Variants in RASGRP4 observed in about 807,000 individuals in gnomAD.
RASGRP4 encodes the protein RAS guanyl-releasing protein 4.
RASGRP4 carries 52 observed loss-of-function variants against 84.4 expected under a neutral mutation model. That is an observed-to-expected ratio of 0.62 (90% CI 0.49 to 0.78). The LOEUF is 0.78. Ranked by LOEUF, RASGRP4 falls within the 30% of genes least tolerant of loss-of-function variation. The pLI is 0.00. For missense variants in RASGRP4, 760 were observed against 886.9 expected (o/e 0.86, Z 1.82); for synonymous variants, 356 against 359.1 (o/e 0.99, Z 0.10).
rs1366534393 is a variant in RASGRP4 at position 38,426,014 on chromosome 19, C to A, written c.23+55G>T. 4 of 1,334,102 alleles carry A rather than the reference C, an allele frequency of 3.0e-6. No individual in the cohort carries two copies. The African/African-American group carries it at 6.1e-5, about 20-fold the overall frequency. The allele number at this position is 1,334,102 out of a possible 1,614,324, so 82.6% of individuals were successfully genotyped here. On this transcript the variant is annotated intron_variant, in intron 1 of 16. Transcript: ENST00000615439. ...TGGCGAGTGATCTCCCCAGCCCTCC[C>A]ATGCAGAGGGAGGCCTCAGGGTGCT...
intron 1 of RASGRP4, among the ~76,000 whole-genome samples, chr19:38,425,135 A>G (rs1234149799): frequency 1.3e-5 from 2 of 150,792 alleles, no homozygotes; most frequent in Non-Finnish European, 3.0e-5. Context: ...CAGTGAGCCA[A>G]GATTGTGCCA....
Position 38,410,923 on chromosome 19 carries a change from T to C in RASGRP4, c.1928A>G (p.Gln643Arg). 6.2e-7 allele frequency: 1 copy of C among 1,604,842 alleles called. No individual in the cohort carries two copies. The highest frequency in any genetic ancestry group is 8.5e-7 in the Non-Finnish European group (1 of 1,175,810). ...CCAGGAAGGGTGTGGGGATTCAGTCTGGGTCCAGGCATGGCGAAGCTGGCA... is the reference window on the plus strand; with the variant it reads ...CCAGGAAGGGTGTGGGGATTCAGTCCGGGTCCAGGCATGGCGAAGCTGGCA... ...TGCQLRHAWTQTESPHPSWET... is the reference protein window; with the variant it reads ...TGCQLRHAWTRTESPHPSWET... The change falls in exon 16 of 17, where the codon CAG becomes CGG. Residue 643 changes from glutamine to arginine, a missense_variant. Transcript: ENST00000615439.
intron 1 of RASGRP4, among the ~76,000 whole-genome samples, chr19:38,425,655 C>G (rs1178478466): frequency 1.3e-5 from 2 of 152,172 alleles, no homozygotes; most frequent in Non-Finnish European, 2.9e-5. Flanking sequence ...GGGTCTGGAA[C>G]AGCCAGGAGT....
chr19:38,416,992 A>T, intron 8 of RASGRP4, 60 bp downstream of exon 8: 1 of 978,548 alleles, frequency 1.0e-6, no homozygotes, highest in Non-Finnish European at 1.6e-6. Flanking sequence ...TTGGGGAATT[A>T]GGTGTGGGGG....
Position 38,418,550 on chromosome 19 carries a change from C to G in RASGRP4, c.678G>C (p.Arg226=). 1 of 1,531,700 alleles carries G rather than the reference C, an allele frequency of 6.5e-7. No homozygotes were observed. The highest frequency in any genetic ancestry group is 1.2e-5 in the South Asian group (1 of 82,330). The allele number at this position is 1,531,700 out of a possible 1,614,324, so 94.9% of individuals were successfully genotyped here. A position where few individuals can be genotyped will look rare whatever the true frequency, so the allele number is the denominator to read the frequency against. Residue 226 remains arginine, a synonymous_variant, in exon 7 of 17, where the codon CGG becomes CGC. Transcript: ENST00000615439. This position sits in a 1 kb window ranked among gnomAD's most constrained non-coding sequence, Gnocchi z 4.6. ...GTACTGAGCCCTGCAAAACGTAGCT[C>G]CGCAGGTCCTGGGGCTGGGAGCGAG... ...SFQAITPQDL[R]SYVLQGSVRG...
At chr19:38,411,458 G>A (rs902832758) in intron 13 of RASGRP4, 77 bp from the exon 14 acceptor site, 7 of 1,322,794 alleles carry the variant, frequency 5.3e-6, no homozygotes, top group Non-Finnish European at 7.2e-6. Flanking sequence ...CTGGGGAGTG[G>A]AAGTGTGGAA....
rs895887097 is a variant in RASGRP4 at position 38,417,374 on chromosome 19, G to A, written c.838-206C>T. Among the ~76,000 whole-genome samples, 4 of 152,118 alleles carry A rather than the reference G, an allele frequency of 2.6e-5. No homozygotes were observed. The highest frequency in any genetic ancestry group is 4.4e-5 in the Non-Finnish European group (3 of 68,022). On this transcript the variant is annotated intron_variant, in intron 7 of 16. Coordinates refer to ENST00000615439, the MANE Select transcript of RASGRP4 (RefSeq NM_170604.3). The surrounding 1 kb of genome is among the most constrained non-coding windows in gnomAD (Gnocchi z 5.1). ...GGGGTGTCAGATGGCTATCTGAGCC[G>A]GGAGGGTCAAGCAAGTGATTGACTG...
chr19:38,420,801 T>C (rs181370169), intron 4 of RASGRP4, 107 bp downstream of exon 4: 11 of 1,159,786 alleles, frequency 9.5e-6, no homozygotes, highest in Middle Eastern at 2.1e-4. Context: ...GTGGGGCTGG[T>C]TGGGTCTGTG....
Position 38,418,591 on chromosome 19 carries a change from G to C in RASGRP4, c.664-27C>G. 1 of 1,485,190 alleles carries C rather than the reference G, an allele frequency of 6.7e-7. No homozygotes were observed. The highest frequency in any genetic ancestry group is 9.0e-7 in the Non-Finnish European group (1 of 1,115,696). 92.0% of individuals were successfully genotyped at this position (1,485,190 alleles called of 1,614,324 possible). A position where few individuals can be genotyped will look rare whatever the true frequency, so the allele number is the denominator to read the frequency against. ...TGGGAGCGAGGTGGGTGTCAAGGTGGGCCGTGGCGCTCAGGCCCTGCCCTT... is the reference window on the plus strand; with the variant it reads ...TGGGAGCGAGGTGGGTGTCAAGGTGCGCCGTGGCGCTCAGGCCCTGCCCTT... On this transcript the variant is annotated intron_variant, in intron 6 of 16. Coordinates refer to ENST00000615439, the MANE Select transcript of RASGRP4 (RefSeq NM_170604.3). The surrounding 1 kb of genome is among the most constrained non-coding windows in gnomAD (Gnocchi z 4.6).
Position 38,412,723 on chromosome 19 carries a change from G to A in RASGRP4, c.1629C>T (p.Phe543=). 1.2e-6 allele frequency: 2 copies of A among 1,612,956 alleles called. No homozygotes were observed. The highest frequency in any genetic ancestry group is 1.7e-6 in the Non-Finnish European group (2 of 1,179,490). ...TAGGCTTTCGGAAGGTGACCTCATG[G>A]AAGGTGTGCAGGAAGGCCAGGCCCA... The part of the protein sequence containing the change: ...SKLGLAFLHT[F]HEVTFRKPTF... Residue 543 remains phenylalanine, a synonymous_variant, in exon 13 of 17, where the codon TTC becomes TTT. Transcript: ENST00000615439. This position sits in a 1 kb window ranked among gnomAD's most constrained non-coding sequence, Gnocchi z 4.6.
rs1433081562 is a variant in RASGRP4 at position 38,414,941 on chromosome 19, C to T, written c.1137G>A (p.Leu379=). The T allele has an allele frequency of 1.9e-6, 3 of 1,613,398 alleles. No homozygotes were observed. Among genetic ancestry groups the T allele is most frequent in the African/African-American group, 1.3e-5 (1 of 74,948 alleles). ...LPDGRLHLPK[L]NNLYLRLQEL... is the part of the protein sequence containing the mutation. ...CCTGCAGCCGCAGGTAGAGGTTGTT[C>T]AGCTTGGGTAGGTGCAGGCGGCCGT... Residue 379 remains leucine (L), a synonymous_variant, in exon 9 of 17, where the codon CTG becomes CTA. Coordinates refer to ENST00000615439, the MANE Select transcript of RASGRP4 (RefSeq NM_170604.3).
At chr19:38,419,834 G>A (rs1163607868) in intron 6 of RASGRP4, 26 bp downstream of exon 6, 2 of 1,561,092 alleles carry the variant, frequency 1.3e-6, no homozygotes, top group South Asian at 1.2e-5. Flanking sequence ...CCCCTGCTTG[G>A]GACGGGGATG....
chr19:38,416,104 C>T (rs950576604), intron 8 of RASGRP4, among the ~76,000 whole-genome samples: 1 of 151,208 alleles, frequency 6.6e-6, no homozygotes, highest in Admixed American at 6.6e-5. Context: ...CAGCAGTCCT[C>T]CCCCTCAGCC....
chr19:38,417,142 G>A lies in RASGRP4; in HGVS notation c.864C>T (p.Asn288=). The A allele has an allele frequency of 6.4e-7, 1 of 1,561,582 alleles. No individual in the cohort carries two copies. Among genetic ancestry groups the A allele is most frequent in the Non-Finnish European group, 8.7e-7 (1 of 1,152,628 alleles). ...GGCCCCCTGTGACTGCCATCAGCGT[G>A]TTGAAATTCTGCAGCTGGTGGAGCC... ...AQRLHQLQNF[N]TLMAVTGGLC... Residue 288 remains asparagine, a synonymous_variant, in exon 8 of 17, where the codon AAC becomes AAT. Transcript: ENST00000615439. The surrounding 1 kb of genome is among the most constrained non-coding windows in gnomAD (Gnocchi z 5.1).
chr19:38,424,206 A>G (rs1420148554), intron 1 of RASGRP4, among the ~76,000 whole-genome samples: 1 of 151,228 alleles, frequency 6.6e-6, no homozygotes, highest in Non-Finnish European at 1.5e-5. Flanking sequence ...TGCAACCTCC[A>G]CCTCCCGGGT....
At chr19:38,425,898 C>T (rs929821874) in intron 1 of RASGRP4, among the ~76,000 whole-genome samples, 171 bp downstream of exon 1, 2 of 152,148 alleles carry the variant, frequency 1.3e-5, no homozygotes, top group African/African-American at 2.4e-5. Context: ...CACATACAAG[C>T]GACTGCAGCC....
At chr19:38,416,282 G>A (rs536246897) in intron 8 of RASGRP4, among the ~76,000 whole-genome samples, 3 of 151,602 alleles carry the variant, frequency 2.0e-5, no homozygotes, top group East Asian at 2.0e-4. Flanking sequence ...TGGCCAACAT[G>A]GTAAAACCCT....
At chr19:38,416,327 G>T (rs552390975) in intron 8 of RASGRP4, among the ~76,000 whole-genome samples, 6 of 151,856 alleles carry the variant, frequency 4.0e-5, no homozygotes, top group African/African-American at 1.4e-4. Context: ...GCAGGGCATG[G>T]TGGTGCACCC....
At chr19:38,423,823 C>T (rs890205581) in intron 1 of RASGRP4, among the ~76,000 whole-genome samples, 2 of 151,804 alleles carry the variant, frequency 1.3e-5, no homozygotes, top group Non-Finnish European at 2.9e-5. Flanking sequence ...GGCAACAGAG[C>T]GAGTCTTAGT....
Sources: allele counts gnomAD v4.1 joint callset (sites outside exome capture counted in the v4.1 genomes callset), GRCh38; gene constraint gnomAD v4.1.1; non-coding constraint Gnocchi (gnomAD v3.1); transcripts MANE v1.5; gene names NCBI Gene and HGNC (gene_info 2026-07-23, HGNC 2026-07-21).